BLCAP: variants seen among roughly 807,000 people sequenced by gnomAD.
BLCAP encodes the protein BLCAP apoptosis inducing factor.
A neutral mutation model predicts 5.7 loss-of-function variants in BLCAP; 1 was observed. That is an observed-to-expected ratio of 0.18 (90% CI 0.06 to 0.83). The LOEUF (loss-of-function observed/expected upper bound fraction) is 0.83. Among genes scored for constraint, BLCAP ranks in the 40% least tolerant of loss-of-function variants. BLCAP has a pLI of 0.71. For synonymous variants in BLCAP, 48 were observed against 49.4 expected (o/e 0.97, Z 0.11); for missense variants, 66 against 107.6 (o/e 0.61, Z 1.71).
At chr20:37,522,703 G>A (rs142166964) in intron 1 of BLCAP, 30 of 1,612,208 alleles carry the variant, frequency 1.9e-5, no homozygotes, top group Non-Finnish European at 2.4e-5. Context: ...GGCATACACG[G>A]TGTCGCGGAC....
At position 37,518,286 on chromosome 20, in the gene BLCAP, A is replaced by C. The variant is rs2147181194; in HGVS notation, c.*625T>G. 6.6e-6 allele frequency: 1 copy of C among 152,304 alleles called. No homozygotes were observed. The highest frequency in any genetic ancestry group is 1.9e-4 in the East Asian group (1 of 5,202). The allele number at this position is 152,304 out of a possible 1,614,324, so 9.4% of individuals were successfully genotyped here. On this transcript the variant is annotated 3_prime_UTR_variant, in exon 2 of 2. Transcript: ENST00000373537. ...TCCTTTCTTAAAAATGAAGTGGAGA[A>C]AATACTGAAGATTTGTGGACAACTA...
At position 37,521,634 on chromosome 20, in the gene BLCAP, G is replaced by C. The variant is rs760282591; in HGVS notation, c.-176-2284C>G. 1 of 537,844 alleles carries C rather than the reference G, an allele frequency of 1.9e-6. No homozygotes were observed. The highest frequency in any genetic ancestry group is 3.3e-6 in the Non-Finnish European group (1 of 300,350). The allele number at this position is 537,844 out of a possible 1,614,324, so 33.3% of individuals were successfully genotyped here. On this transcript the variant is annotated intron_variant, in intron 1 of 1. Coordinates refer to ENST00000373537, the MANE Select transcript of BLCAP (RefSeq NM_006698.4). This position sits in a 1 kb window ranked among gnomAD's most constrained non-coding sequence, Gnocchi z 4.5. ...GCGCCTGCCAGGGAACAAAGACTCGGGGCGCGGCGGGCGACCGCTGCGGAC... is the reference window on the plus strand; with the variant it reads ...GCGCCTGCCAGGGAACAAAGACTCGCGGCGCGGCGGGCGACCGCTGCGGAC...
chr20:37,522,646 G>A lies in BLCAP; in HGVS notation c.-176-3296C>T, dbSNP rs1027228019. 6.9e-6 allele frequency: 11 copies of A among 1,602,358 alleles called. No homozygotes were observed. In the African/African-American group the frequency reaches 1.3e-4, roughly 19 times the overall value. ...TGTGGGTGCTCTCCACTAAGGGTGG[G>A]TCCTGGGTTTCTCGTCGCAGGTGTT... On this transcript the variant is annotated intron_variant, in intron 1 of 1. Transcript: ENST00000373537.
At position 37,521,446 on chromosome 20, in the gene BLCAP, G is replaced by C; in HGVS notation, c.-176-2096C>G. On this transcript the variant is annotated intron_variant, in intron 1 of 1. Coordinates refer to ENST00000373537, the MANE Select transcript of BLCAP (RefSeq NM_006698.4). The surrounding 1 kb of genome is among the most constrained non-coding windows in gnomAD (Gnocchi z 4.5). Reference sequence around the variant, plus strand: ...TCGGGTGGGAGAGGGTTCCCAACTCGCGCCCCTAGAACCCGCAAGACTGCG... The same window carrying C: ...TCGGGTGGGAGAGGGTTCCCAACTCCCGCCCCTAGAACCCGCAAGACTGCG... 1 of 1,584,466 alleles carries C rather than the reference G, an allele frequency of 6.3e-7. No individual in the cohort carries two copies. Among genetic ancestry groups the C allele is most frequent in the Non-Finnish European group, 8.7e-7 (1 of 1,152,950 alleles).
Position 37,521,207 on chromosome 20 carries a change from G to T in BLCAP, c.-176-1857C>A. Reference sequence around the variant, plus strand: ...CCCCCAAGGCGCGCATGCGCACTTAGGTGGCGGGCGGGTACTTAAGGCGCG... The same window carrying T: ...CCCCCAAGGCGCGCATGCGCACTTATGTGGCGGGCGGGTACTTAAGGCGCG... On this transcript the variant is annotated intron_variant, in intron 1 of 1. Transcript: ENST00000373537. The surrounding 1 kb of genome is among the most constrained non-coding windows in gnomAD (Gnocchi z 4.5). The T allele has an allele frequency of 2.1e-6, 2 of 942,638 alleles. No individual in the cohort carries two copies. The highest frequency in any genetic ancestry group is 3.4e-6 in the Non-Finnish European group (2 of 583,950). The allele number at this position is 942,638 out of a possible 1,614,324, so 58.4% of individuals were successfully genotyped here. A position where few individuals can be genotyped will look rare whatever the true frequency, so the allele number is the denominator to read the frequency against.
intron 1 of BLCAP, among the ~76,000 whole-genome samples, chr20:37,526,375 C>T (rs2071722359): frequency 6.6e-6 from 1 of 150,576 alleles, no homozygotes. Context: ...CCCCGGTAAC[C>T]TCTGACTTCC....
Position 37,519,342 on chromosome 20 carries a change from G to T in BLCAP, c.-168C>A. 1 of 508,972 alleles carries T rather than the reference G, an allele frequency of 2.0e-6. No homozygotes were observed. The highest frequency in any genetic ancestry group is 3.2e-6 in the Non-Finnish European group (1 of 316,496). 31.5% of individuals were successfully genotyped at this position (508,972 alleles called of 1,614,324 possible). On this transcript the variant is annotated 5_prime_UTR_variant, in exon 2 of 2. The change creates a new upstream start codon in the 5' untranslated region. Transcript: ENST00000373537. ...CTGTCAGCCCGGGATCACCAAGGCAGCAGGGATCCTGAAGAGAAAAGTCAA... is the reference window on the plus strand; with the variant it reads ...CTGTCAGCCCGGGATCACCAAGGCATCAGGGATCCTGAAGAGAAAAGTCAA...
At position 37,521,186 on chromosome 20, in the gene BLCAP, C is replaced by T. The variant is rs866230599; in HGVS notation, c.-176-1836G>A. On this transcript the variant is annotated intron_variant, in intron 1 of 1. Coordinates refer to ENST00000373537, the MANE Select transcript of BLCAP (RefSeq NM_006698.4). This position sits in a 1 kb window ranked among gnomAD's most constrained non-coding sequence, Gnocchi z 4.5. The stretch of plus-strand genomic sequence containing the variant: ...GCCACCCCTCCTCATAAACACCCCC[C>T]AAGGCGCGCATGCGCACTTAGGTGG... 2 of 780,406 alleles carry T rather than the reference C, an allele frequency of 2.6e-6. No individual in the cohort carries two copies. Among genetic ancestry groups the T allele is most frequent in the East Asian group, 2.5e-5 (1 of 40,504 alleles). 48.3% of individuals were successfully genotyped at this position (780,406 alleles called of 1,614,324 possible). A position where few individuals can be genotyped will look rare whatever the true frequency, so the allele number is the denominator to read the frequency against.
In BLCAP at chr20:37,521,426, T is replaced by C; in HGVS notation, c.-176-2076A>G. Reference sequence around the variant, plus strand: ...CAGGTAAGTCTGACGGGGTTTCGGGTGGGAGAGGGTTCCCAACTCGCGCCC... The same window carrying C: ...CAGGTAAGTCTGACGGGGTTTCGGGCGGGAGAGGGTTCCCAACTCGCGCCC... On this transcript the variant is annotated intron_variant, in intron 1 of 1. Transcript: ENST00000373537. The surrounding 1 kb of genome is among the most constrained non-coding windows in gnomAD (Gnocchi z 4.5). 6.2e-7 allele frequency: 1 copy of C among 1,612,446 alleles called. No individual in the cohort carries two copies. The highest frequency in any genetic ancestry group is 8.5e-7 in the Non-Finnish European group (1 of 1,178,524).
rs1434823503 is a variant in BLCAP, at chr20:37,521,168, C to G, written c.-176-1818G>C. 2 of 705,166 alleles carry G rather than the reference C, an allele frequency of 2.8e-6. No individual in the cohort carries two copies. The highest frequency in any genetic ancestry group is 5.0e-6 in the Non-Finnish European group (2 of 396,538). 43.7% of individuals were successfully genotyped at this position (705,166 alleles called of 1,614,324 possible). On this transcript the variant is annotated intron_variant, in intron 1 of 1. Transcript: ENST00000373537. This position sits in a 1 kb window ranked among gnomAD's most constrained non-coding sequence, Gnocchi z 4.5. The stretch of plus-strand genomic sequence containing the variant: ...GAATGAGGAGCGCCCCCAGCCACCC[C>G]TCCTCATAAACACCCCCCAAGGCGC...
intron 1 of BLCAP, chr20:37,523,003 G>A (rs905666459): frequency 4.3e-6 from 2 of 461,350 alleles, no homozygotes; most frequent in Non-Finnish European, 7.7e-6. Flanking sequence ...CGAGAGAGGA[G>A]GGGGGATAGG....
chr20:37,524,064 G>T (rs911373988), intron 1 of BLCAP, among the ~76,000 whole-genome samples: 1 of 152,170 alleles, frequency 6.6e-6, no homozygotes, highest in African/African-American at 2.4e-5. Context: ...GAGGTACTAG[G>T]GACCAAGGGG....
chr20:37,521,188 A>C lies in BLCAP; in HGVS notation c.-176-1838T>G, dbSNP rs575548145. 1 of 783,518 alleles carries C rather than the reference A, an allele frequency of 1.3e-6. No homozygotes were observed. The highest frequency in any genetic ancestry group is 1.7e-5 in the African/African-American group (1 of 58,504). 48.5% of individuals were successfully genotyped at this position (783,518 alleles called of 1,614,324 possible). ...CACCCCTCCTCATAAACACCCCCCA[A>C]GGCGCGCATGCGCACTTAGGTGGCG... On this transcript the variant is annotated intron_variant, in intron 1 of 1. Transcript: ENST00000373537. The surrounding 1 kb of genome is among the most constrained non-coding windows in gnomAD (Gnocchi z 4.5).
rs779128573 is a variant in BLCAP, at chr20:37,518,919, C to T, written c.256G>A (p.Gly86Ser). ...GCTAACAGGGCAGGCCGTTAGGTGC[C>T]CACAACGCCGGGATCATGCGCCGAT... ...PESAHDPGVV[G>S]T Residue 86 changes from glycine to serine, a missense_variant, in exon 2 of 2, where the codon GGC (glycine) becomes AGC (serine). Transcript: ENST00000373537. 4 of 1,614,030 alleles carry T rather than the reference C, an allele frequency of 2.5e-6. No individual in the cohort carries two copies. The highest frequency in any genetic ancestry group is 3.4e-6 in the Non-Finnish European group (4 of 1,180,028).
In BLCAP at chr20:37,521,295, C is replaced by G. The variant is rs377378589; in HGVS notation, c.-176-1945G>C. ...CCGAGACCAGCGGATCTCGGCAAACCCTCTTTCTCGACCACCCACCTACCA... is the reference window on the plus strand; with the variant it reads ...CCGAGACCAGCGGATCTCGGCAAACGCTCTTTCTCGACCACCCACCTACCA... On this transcript the variant is annotated intron_variant, in intron 1 of 1. Coordinates refer to ENST00000373537, the MANE Select transcript of BLCAP (RefSeq NM_006698.4). The surrounding 1 kb of genome is among the most constrained non-coding windows in gnomAD (Gnocchi z 4.5). 2.5e-6 allele frequency: 4 copies of G among 1,609,224 alleles called. No homozygotes were observed. In the Admixed American group the frequency reaches 6.7e-5, roughly 27 times the overall value.
rs1030806870 is a variant in BLCAP at position 37,521,493 on chromosome 20, C to G, written c.-176-2143G>C. Reference sequence around the variant, plus strand: ...TGCGTCGCGATTGCCGCTTCCCGGACCCGTCCTATTCCGATTGCCGCGATC... The same window carrying G: ...TGCGTCGCGATTGCCGCTTCCCGGAGCCGTCCTATTCCGATTGCCGCGATC... On this transcript the variant is annotated intron_variant, in intron 1 of 1. Transcript: ENST00000373537. The surrounding 1 kb of genome is among the most constrained non-coding windows in gnomAD (Gnocchi z 4.5). 58 of 1,312,420 alleles carry G rather than the reference C, an allele frequency of 4.4e-5. No homozygotes were observed. The highest frequency in any genetic ancestry group is 5.6e-5 in the Non-Finnish European group (51 of 908,656). 81.3% of individuals were successfully genotyped at this position (1,312,420 alleles called of 1,614,324 possible).
intron 1 of BLCAP, chr20:37,520,302 T>G (rs1200930869): frequency 6.6e-6 from 1 of 152,162 alleles, no homozygotes; most frequent in East Asian, 1.9e-4. Context: ...ACTGGCGGTC[T>G]AAAAGGGACC....
At chr20:37,519,387 A>G in intron 1 of BLCAP, 37 bp from the exon 2 acceptor site, 1 of 329,902 alleles carries the variant, frequency 3.0e-6, no homozygotes, top group Non-Finnish European at 5.4e-6. Context: ...CAAACAGACA[A>G]AGAACAGACA....
chr20:37,521,218 G>C lies in BLCAP; in HGVS notation c.-176-1868C>G. The C allele has an allele frequency of 2.8e-6, 3 of 1,083,346 alleles. No individual in the cohort carries two copies. The highest frequency in any genetic ancestry group is 1.7e-5 in the Admixed American group (1 of 57,332). 67.1% of individuals were successfully genotyped at this position (1,083,346 alleles called of 1,614,324 possible). A position where few individuals can be genotyped will look rare whatever the true frequency, so the allele number is the denominator to read the frequency against. The stretch of plus-strand genomic sequence containing the variant: ...CGCATGCGCACTTAGGTGGCGGGCG[G>C]GTACTTAAGGCGCGGCCACCGCGGC... On this transcript the variant is annotated intron_variant, in intron 1 of 1. Coordinates refer to ENST00000373537, the MANE Select transcript of BLCAP (RefSeq NM_006698.4). This position sits in a 1 kb window ranked among gnomAD's most constrained non-coding sequence, Gnocchi z 4.5.
Sources: allele counts gnomAD v4.1 joint callset (sites outside exome capture counted in the v4.1 genomes callset), GRCh38; gene constraint gnomAD v4.1.1; non-coding constraint Gnocchi (gnomAD v3.1); transcripts MANE v1.5; gene names NCBI Gene and HGNC (gene_info 2026-07-23, HGNC 2026-07-21).